The following OR1A1 variants were observed in gnomAD, a reference collection of about 807,000 sequenced individuals.
OR1A1 encodes olfactory receptor 1A1.
For missense variants in OR1A1, 391 were observed against 379.9 expected (o/e 1.03, Z -0.24); for synonymous variants, 145 against 147.8 (o/e 0.98, Z 0.13).
At chr17:3,212,379 A>G (rs1597292386) in intron 2 of OR1A1, 88 bp from the exon 3 acceptor site, 1 of 149,488 alleles carries the variant, frequency 6.7e-6, no homozygotes, top group East Asian at 2.0e-4. Flanking sequence ...AGGTATTCCT[A>G]TTTCTTTCTT....
Position 3,216,620 on chromosome 17 carries a change from C to A in OR1A1, c.*70C>A. 1 of 1,191,114 alleles carries A rather than the reference C, an allele frequency of 8.4e-7. No homozygotes were observed. Among genetic ancestry groups the A allele is most frequent in the South Asian group, 1.5e-5 (1 of 65,358 alleles). The allele number at this position is 1,191,114 out of a possible 1,614,324, so 73.8% of individuals were successfully genotyped here. On this transcript the variant is annotated 3_prime_UTR_variant, in exon 4 of 4. Coordinates refer to ENST00000641732, the MANE Select transcript of OR1A1 (RefSeq NM_014565.3). ...TATATTGGAAATCCAGTTCTGATGTCATCCTCCTACGAGAGGCAGTCTCTG... is the reference window on the plus strand; with the variant it reads ...TATATTGGAAATCCAGTTCTGATGTAATCCTCCTACGAGAGGCAGTCTCTG...
At chr17:3,212,012 A>C (rs1056383046) in intron 2 of OR1A1, among the ~76,000 whole-genome samples, 1 of 152,154 alleles carries the variant, frequency 6.6e-6, no homozygotes. Context: ...TGATTTTTGA[A>C]ATACTTGTTT....
rs1478681967 is a variant in OR1A1 at position 3,216,253 on chromosome 17, A to G, written c.633A>G (p.Leu211=). 6 of 1,614,118 alleles carry G rather than the reference A, an allele frequency of 3.7e-6. No individual in the cohort carries two copies. Among genetic ancestry groups the G allele is most frequent in the East Asian group, 2.2e-5 (1 of 44,876 alleles). ...LGVGIFSVPL[L]CIIVSYIRVF... ...TTGGCATTTTCTCTGTGCCATTACT[A>G]TGCATCATTGTCTCCTATATTCGAG... is the stretch of plus-strand genomic sequence containing the variant. The change falls in exon 4 of 4, where the codon CTA becomes CTG. Residue 211 remains leucine, a synonymous_variant. Coordinates refer to ENST00000641732, the MANE Select transcript of OR1A1 (RefSeq NM_014565.3).
rs547015389 is a variant in OR1A1 at position 3,212,589 on chromosome 17, T to G, written c.-16T>G. On this transcript the variant is annotated 5_prime_UTR_variant, in exon 3 of 4. Transcript: ENST00000641732. The stretch of plus-strand genomic sequence containing the variant: ...GCCTCTCCAGATTTACTGAACGATT[T>G]GACACCTGAGGTATTATGATTCTAT... 2 of 152,294 alleles carry G rather than the reference T, an allele frequency of 1.3e-5. No individual in the cohort carries two copies. Among genetic ancestry groups the G allele is most frequent in the African/African-American group, 4.8e-5 (2 of 41,554 alleles). 9.4% of individuals were successfully genotyped at this position (152,294 alleles called of 1,614,324 possible).
Position 3,218,761 on chromosome 17 carries a change from G to A in OR1A1, c.*2211G>A, listed in dbSNP as rs1179328446. The A allele has an allele frequency of 6.6e-6, 1 of 152,106 alleles. No homozygotes were observed. The highest frequency in any genetic ancestry group is 2.4e-5 in the African/African-American group (1 of 41,410). 9.4% of individuals were successfully genotyped at this position (152,106 alleles called of 1,614,324 possible). On this transcript the variant is annotated 3_prime_UTR_variant, in exon 4 of 4. Transcript: ENST00000641732. ...AAGGAAGGGCACATCACACACCAGG[G>A]CCTGTCAGCGGGTTGGGGGCAAGAG... is the stretch of plus-strand genomic sequence containing the variant.
At chr17:3,208,148 G>GAGAGATAGAGAT (rs1419731605) in intron 1 of OR1A1, 148 bp downstream of exon 1, 1 of 145,638 alleles carries the variant, frequency 6.9e-6, no homozygotes, top group African/African-American at 2.4e-5. Context: ...ATGGACAAGA[G>GAGAGATAGAGAT]AGAGATAGAG....
Position 3,218,382 on chromosome 17 carries a change from C to A in OR1A1, c.*1832C>A, listed in dbSNP as rs1215991169. The A allele has an allele frequency of 6.6e-6, 1 of 152,174 alleles. No individual in the cohort carries two copies. The highest frequency in any genetic ancestry group is 1.9e-4 in the East Asian group (1 of 5,190). 9.4% of individuals were successfully genotyped at this position (152,174 alleles called of 1,614,324 possible). On this transcript the variant is annotated 3_prime_UTR_variant, in exon 4 of 4. Transcript: ENST00000641732. The stretch of plus-strand genomic sequence containing the variant: ...GTGGTGACTCCTCAAGGATCTAGAA[C>A]CACAAATACCATTTGATCCAGTGAT...
At chr17:3,212,691 T>C (rs1245565730) in intron 3 of OR1A1, 92 bp downstream of exon 3, 4 of 152,168 alleles carry the variant, frequency 2.6e-5, no homozygotes, top group African/African-American at 9.7e-5. Context: ...ACATCATAAT[T>C]ATGAAATGGC....
In OR1A1 at chr17:3,215,897, T is replaced by A. The variant is rs752322587; in HGVS notation, c.277T>A (p.Ser93Thr). ...ANHLLGSKSI[S>T]FGGCLTQMYF... ...CCATCTCTTGGGCAGCAAATCCATC[T>A]CTTTTGGGGGATGCCTAACGCAGAT... is the stretch of plus-strand genomic sequence containing the variant. The change falls in exon 4 of 4, where the codon TCT becomes ACT. Residue 93 changes from serine to threonine, a missense_variant. Ser to Thr is a moderately conservative substitution (Grantham distance 58, BLOSUM62 1). Coordinates refer to ENST00000641732, the MANE Select transcript of OR1A1 (RefSeq NM_014565.3). 34 of 1,614,030 alleles carry A rather than the reference T, an allele frequency of 2.1e-5. No homozygotes were observed. In the East Asian group the frequency reaches 7.4e-4, roughly 35 times the overall value.
intron 1 of OR1A1, among the ~76,000 whole-genome samples, 174 bp downstream of exon 1, chr17:3,208,174 T>TAGAG (rs1567523704): frequency 2.0e-5 from 3 of 149,008 alleles, no homozygotes; most frequent in African/African-American, 7.4e-5. Context: ...GATAGAGATA[T>TAGAG]ATATATAGAG....
chr17:3,216,306 C>A lies in OR1A1; in HGVS notation c.686C>A (p.Ser229Tyr), dbSNP rs1489264567. 1.2e-6 allele frequency: 2 copies of A among 1,614,100 alleles called. No homozygotes were observed. Among genetic ancestry groups the A allele is most frequent in the Non-Finnish European group, 1.7e-6 (2 of 1,180,044 alleles). Residue 229 changes from serine to tyrosine, a missense_variant, in exon 4 of 4, where the codon TCC becomes TAC. Transcript: ENST00000641732. ...RVFSTVFQVP[S>Y]TKGVLKAFST... ...TTCTCCACAGTCTTCCAGGTTCCTT[C>A]CACCAAGGGCGTGCTCAAGGCCTTC...
chr17:3,209,117 T>A (rs1293698631), intron 2 of OR1A1, 119 bp downstream of exon 2: 2 of 152,248 alleles, frequency 1.3e-5, no homozygotes, highest in African/African-American at 4.8e-5. Flanking sequence ...ATTTGTGAGA[T>A]CCTGGTGCGC....
chr17:3,216,144 C>T lies in OR1A1; in HGVS notation c.524C>T (p.Ala175Val). ...SLSFCGNQEVANFYCDITPLL... is the reference protein window; with the variant it reads ...SLSFCGNQEVVNFYCDITPLL... ...TCCTTCTGTGGCAACCAGGAAGTGG[C>T]CAACTTCTACTGTGACATTACCCCC... The change falls in exon 4 of 4, where the codon GCC (alanine) becomes GTC (valine). Residue 175 changes from alanine to valine, a missense_variant. Physicochemically the swap from Ala to Val is moderately conservative, Grantham distance 64. Coordinates refer to ENST00000641732, the MANE Select transcript of OR1A1 (RefSeq NM_014565.3). 6.2e-7 allele frequency: 1 copy of T among 1,614,140 alleles called. No individual in the cohort carries two copies. Among genetic ancestry groups the T allele is most frequent in the Non-Finnish European group, 8.5e-7 (1 of 1,180,004 alleles).
intron 2 of OR1A1, among the ~76,000 whole-genome samples, chr17:3,209,584 T>A (rs1442480711): frequency 2.6e-5 from 4 of 152,140 alleles, no homozygotes; most frequent in African/African-American, 9.7e-5. Flanking sequence ...CCATGTGAAA[T>A]AAACACATCA....
chr17:3,216,503 A>T lies in OR1A1; in HGVS notation c.883A>T (p.Met295Leu), dbSNP rs375223707. The change falls in exon 4 of 4, where the codon ATG becomes TTG. Residue 295 changes from methionine (M) to leucine (L), a missense_variant. Transcript: ENST00000641732. Reference sequence around the variant, plus strand: ...CATCTACAGTCTGAGAAATCGGGACATGAAGGCTGCCCTGCGGAAACTCTT... The same window carrying T: ...CATCTACAGTCTGAGAAATCGGGACTTGAAGGCTGCCCTGCGGAAACTCTT... ...PFIYSLRNRD[M>L]KAALRKLFNK... The T allele has an allele frequency of 1.2e-6, 2 of 1,613,984 alleles. No individual in the cohort carries two copies. Among genetic ancestry groups the T allele is most frequent in the Non-Finnish European group, 1.7e-6 (2 of 1,179,972 alleles).
rs1442420475 is a variant in OR1A1, at chr17:3,216,635, G to A, written c.*85G>A. On this transcript the variant is annotated 3_prime_UTR_variant, in exon 4 of 4. Transcript: ENST00000641732. ...GTTCTGATGTCATCCTCCTACGAGA[G>A]GCAGTCTCTGATCTTTCTAGCCTGA... is the stretch of plus-strand genomic sequence containing the variant. The A allele has an allele frequency of 4.9e-6, 5 of 1,017,786 alleles. No individual in the cohort carries two copies. In the East Asian group the frequency reaches 7.2e-5, roughly 15 times the overall value. The allele number at this position is 1,017,786 out of a possible 1,614,324, so 63.0% of individuals were successfully genotyped here.
intron 3 of OR1A1, chr17:3,214,071 C>T (rs1210178929): frequency 6.6e-6 from 1 of 152,016 alleles, no homozygotes; most frequent in African/African-American, 2.4e-5. Context: ...AAGGAAGAAT[C>T]AACAAGATTA....
intron 3 of OR1A1, chr17:3,214,154 A>G (rs2048455375): frequency 6.6e-6 from 1 of 152,192 alleles, no homozygotes; most frequent in African/African-American, 2.4e-5. Flanking sequence ...CAAGAAATAT[A>G]CCTGGATTTG....
rs1388060313 is a variant in OR1A1, at chr17:3,217,200, C to A, written c.*650C>A. ...CAAATGCTACAAAGGGAATAAAATA[C>A]CTAGGAATACAGCTTACAAGGGACA... On this transcript the variant is annotated 3_prime_UTR_variant, in exon 4 of 4. Transcript: ENST00000641732. The A allele has an allele frequency of 6.6e-6, 1 of 152,058 alleles. No homozygotes were observed. Among genetic ancestry groups the A allele is most frequent in the East Asian group, 1.9e-4 (1 of 5,194 alleles). The allele number at this position is 152,058 out of a possible 1,614,324, so 9.4% of individuals were successfully genotyped here.
Sources: gnomAD v4.1 joint callset for allele counts (sites outside exome capture counted in the v4.1 genomes callset) on GRCh38, gnomAD v4.1.1 for gene constraint, MANE v1.5 for transcripts, NCBI Gene and HGNC (gene_info 2026-07-23, HGNC 2026-07-21) for gene names.